Variants in CDH7 observed in about 807,000 individuals in gnomAD.
The protein encoded by CDH7 is cadherin-7.
CDH7 carries 25 observed loss-of-function variants against 71.8 expected under a neutral mutation model. The ratio of observed to expected loss-of-function variants is 0.35; its 90% confidence interval spans 0.25 to 0.49. CDH7 has a LOEUF of 0.49. CDH7 is among the 20% of genes least tolerant of loss of function. The pLI is 0.99. For missense variants in CDH7, 862 were observed against 974.6 expected (o/e 0.88, Z 1.54); for synonymous variants, 381 against 363.8 (o/e 1.05, Z -0.54).
intron 6 of CDH7, among the ~76,000 whole-genome samples, chr18:65,832,063 CA>C (rs1468983613): frequency 6.6e-6 from 1 of 152,070 alleles, no homozygotes; most frequent in Non-Finnish European, 1.5e-5. Flanking sequence ...CACATTTGGA[CA>C]ATAAAGCTTT....
In CDH7 at chr18:65,756,336, A is replaced by G. The variant is rs922779428; in HGVS notation, c.-197+5186A>G. The stretch of plus-strand genomic sequence containing the variant: ...GTTAGATTCTGGAGGTGTTTGTCAG[A>G]CAACCATTATGGATTTTTCTGATTC... On this transcript the variant is annotated intron_variant, in intron 1 of 11. Coordinates refer to ENST00000397968, the MANE Select transcript of CDH7 (RefSeq NM_004361.5). Among the ~76,000 whole-genome samples, 4 of 152,200 alleles carry G rather than the reference A, an allele frequency of 2.6e-5. No homozygotes were observed. In the East Asian group the frequency reaches 5.8e-4, roughly 22 times the overall value.
At chr18:65,816,666 T>G (rs1911734365) in intron 4 of CDH7, among the ~76,000 whole-genome samples, 3 of 152,168 alleles carry the variant, frequency 2.0e-5, no homozygotes, top group South Asian at 4.1e-4. Flanking sequence ...TCTATAGCAC[T>G]GTTTACAGGC....
intron 11 of CDH7, among the ~76,000 whole-genome samples, chr18:65,878,506 A>C (rs2144068873): frequency 6.6e-6 from 1 of 152,308 alleles, no homozygotes; most frequent in African/African-American, 2.4e-5. Context: ...CTTGAGAACT[A>C]CAAGGCATTA....
intron 1 of CDH7, among the ~76,000 whole-genome samples, chr18:65,755,562 G>C (rs1174328060): frequency 2.0e-5 from 3 of 152,104 alleles, no homozygotes; most frequent in African/African-American, 7.2e-5. Context: ...ATGAAGTGTG[G>C]CTTCAGCTCT....
chr18:65,762,023 A>G (rs577300573), intron 1 of CDH7, among the ~76,000 whole-genome samples: 1 of 152,340 alleles, frequency 6.6e-6, no homozygotes, highest in Non-Finnish European at 1.5e-5. Flanking sequence ...CACAGCATAC[A>G]TGACAATAAG....
At chr18:65,798,073 G>A (rs925975105) in intron 2 of CDH7, among the ~76,000 whole-genome samples, 5 of 152,086 alleles carry the variant, frequency 3.3e-5, no homozygotes, top group Non-Finnish European at 2.9e-5. Context: ...TAAGGAGGAG[G>A]GCATGCAAAC....
rs558683816 is a variant in CDH7, at chr18:65,856,871, G to GTAGTAA, written c.1236-943_1236-938dup. ...AGCATGGACTAAAAATACAAGTGGA[G>GTAGTAA]TAGTAATTTTTCACTGCTGAAAAAA... On this transcript the variant is annotated intron_variant, in intron 7 of 11. Transcript: ENST00000397968. 2.0e-5 allele frequency among the ~76,000 whole-genome samples: 3 copies of GTAGTAA among 152,162 alleles called. No individual in the cohort carries two copies. The South Asian group carries it at 6.2e-4, about 32-fold the overall frequency.
chr18:65,769,187 A>AT (rs1348151661), intron 2 of CDH7, among the ~76,000 whole-genome samples: 3 of 152,290 alleles, frequency 2.0e-5, no homozygotes, highest in African/African-American at 7.2e-5. Flanking sequence ...CACCTCTGTG[A>AT]TTTTGTATCT....
chr18:65,881,059 T>C lies in CDH7; in HGVS notation c.*165T>C. 1.4e-6 allele frequency: 1 copy of C among 689,686 alleles called. No individual in the cohort carries two copies. The highest frequency in any genetic ancestry group is 2.3e-6 in the Non-Finnish European group (1 of 436,608). The allele number at this position is 689,686 out of a possible 1,614,324, so 42.7% of individuals were successfully genotyped here. ...ATTTTTAATTGTTTAGATTTCTGCC[T>C]TGGTGAGGCATATCTTCATTAGACT... is the stretch of plus-strand genomic sequence containing the variant. On this transcript the variant is annotated 3_prime_UTR_variant, in exon 12 of 12. Transcript: ENST00000397968.
At chr18:65,825,512 A>C (rs1478815278) in intron 6 of CDH7, among the ~76,000 whole-genome samples, 4 of 151,878 alleles carry the variant, frequency 2.6e-5, no homozygotes, top group Non-Finnish European at 4.4e-5. Flanking sequence ...ATGACTTTTT[A>C]CAGATATTTA....
At chr18:65,759,547 C>T (rs1039883073) in intron 1 of CDH7, among the ~76,000 whole-genome samples, 7 of 152,110 alleles carry the variant, frequency 4.6e-5, no homozygotes, top group Middle Eastern at 3.4e-3. Context: ...CCACCACACC[C>T]GGCCCCCATT....
intron 4 of CDH7, 111 bp downstream of exon 4, chr18:65,814,715 C>A: frequency 1.2e-6 from 1 of 851,014 alleles, no homozygotes; most frequent in Non-Finnish European, 1.8e-6. Flanking sequence ...TATTATGCTT[C>A]TCTCAATATG....
At chr18:65,801,932 C>T (rs1280229096) in intron 2 of CDH7, among the ~76,000 whole-genome samples, 1 of 152,160 alleles carries the variant, frequency 6.6e-6, no homozygotes, top group Admixed American at 6.5e-5. Flanking sequence ...TTGCAAACAC[C>T]TTATGCTATT....
At position 65,888,019 on chromosome 18, in the gene CDH7, T is replaced by C. The variant is rs1914416288; in HGVS notation, c.*7125T>C. On this transcript the variant is annotated 3_prime_UTR_variant, in exon 12 of 12. Transcript: ENST00000397968. Reference sequence around the variant, plus strand: ...AATGTTAATTCAATTGACTGCAGAATTGATCCTGAAAATCCAGTTCATTTA... The same window carrying C: ...AATGTTAATTCAATTGACTGCAGAACTGATCCTGAAAATCCAGTTCATTTA... The C allele has an allele frequency of 6.6e-6, 1 of 152,172 alleles. No homozygotes were observed. Among genetic ancestry groups the C allele is most frequent in the Non-Finnish European group, 1.5e-5 (1 of 68,028 alleles). 9.4% of individuals were successfully genotyped at this position (152,172 alleles called of 1,614,324 possible). A position where few individuals can be genotyped will look rare whatever the true frequency, so the allele number is the denominator to read the frequency against.
chr18:65,768,108 A>G lies in CDH7; in HGVS notation c.210+5056A>G, dbSNP rs1193158999. On this transcript the variant is annotated intron_variant, in intron 2 of 11. Transcript: ENST00000397968. ...TGATTGTCTGTGTATGTTGATCAAA[A>G]TCATTTAAAAATTCTGCCTTTTTAA... Among the ~76,000 whole-genome samples, 4 of 152,328 alleles carry G rather than the reference A, an allele frequency of 2.6e-5. 1 individual carries two copies. The South Asian group carries it at 8.3e-4, about 32-fold the overall frequency.
chr18:65,866,087 C>T lies in CDH7; in HGVS notation c.1864+3170C>T, dbSNP rs1416944735. 3.0e-4 allele frequency: 3 copies of T among 9,896 alleles called. 1 individual carries two copies. Among genetic ancestry groups the T allele is most frequent in the Non-Finnish European group, 6.1e-4 (3 of 4,918 alleles). The allele number at this position is 9,896 out of a possible 1,614,324, so 0.6% of individuals were successfully genotyped here. On this transcript the variant is annotated intron_variant, in intron 11 of 11. Coordinates refer to ENST00000397968, the MANE Select transcript of CDH7 (RefSeq NM_004361.5). ...GGCCGAGGCGGGCGGATCACGAGGT[C>T]AGGAGATCGAGACCATCCCGGCTAA...
intron 7 of CDH7, among the ~76,000 whole-genome samples, chr18:65,852,328 T>TA (rs2144014663): frequency 6.6e-6 from 1 of 152,272 alleles, no homozygotes; most frequent in South Asian, 2.1e-4. Context: ...TCAATAATAA[T>TA]ATATGCTTGC....
At chr18:65,766,298 T>G (rs1319371695) in intron 2 of CDH7, among the ~76,000 whole-genome samples, 2 of 152,162 alleles carry the variant, frequency 1.3e-5, no homozygotes, top group Non-Finnish European at 2.9e-5. Context: ...ATCAATTAAA[T>G]GACTCTTCAG....
rs1555689477 is a variant in CDH7, at chr18:65,853,920, T to TATATATATATATCC, written c.1236-3884_1236-3883insCCATATATATATAT. Among the ~76,000 whole-genome samples the TATATATATATATCC allele has an allele frequency of 9.9e-4, 70 of 70,568 alleles. 7 individuals are homozygous for TATATATATATATCC. Among genetic ancestry groups the TATATATATATATCC allele is most frequent in the African/African-American group, 4.9e-3 (65 of 13,234 alleles). The allele number at this position is 70,568 out of a possible 152,430, so 46.3% of individuals were successfully genotyped here. On this transcript the variant is annotated intron_variant, in intron 7 of 11. Transcript: ENST00000397968. ...TCATAAATTACCATATATATATATA[T>TATATATATATATCC]ATATATATATATATATATATATATA...
Sources: gnomAD v4.1 joint callset for allele counts (sites outside exome capture counted in the v4.1 genomes callset) on GRCh38, gnomAD v4.1.1 for gene constraint, MANE v1.5 for transcripts, NCBI Gene and HGNC (gene_info 2026-07-23, HGNC 2026-07-21) for gene names.